Variants in TRIM71 observed in about 807,000 individuals in gnomAD.
TRIM71 encodes E3 ubiquitin-protein ligase TRIM71.
A neutral mutation model predicts 61.2 loss-of-function variants in TRIM71; 9 were observed. The observed-to-expected ratio is 0.15, with a 90% CI of 0.09 to 0.26. The LOEUF (loss-of-function observed/expected upper bound fraction) is 0.26, where lower values mean the gene tolerates loss of function less well. TRIM71 is among the 10% of genes least tolerant of loss of function. TRIM71 has a pLI of 1.00. For missense variants in TRIM71, 998 were observed against 1,238.7 expected (o/e 0.81, Z 2.92); for synonymous variants, 645 against 553.2 (o/e 1.17, Z -2.33).
At chr3:32,839,562 G>C (rs928070142) in intron 1 of TRIM71, among the ~76,000 whole-genome samples, 1 of 149,658 alleles carries the variant, frequency 6.7e-6, no homozygotes, top group Non-Finnish European at 1.5e-5. Flanking sequence ...CGTCTGACCC[G>C]TCAAGCCCCA....
At chr3:32,872,082 G>C (rs967108736) in intron 1 of TRIM71, among the ~76,000 whole-genome samples, 1 of 152,180 alleles carries the variant, frequency 6.6e-6, no homozygotes, top group African/African-American at 2.4e-5. Context: ...GGGAGGCAGA[G>C]CTTGCAGTGA....
At chr3:32,856,162 T>C (rs1297745283) in intron 1 of TRIM71, among the ~76,000 whole-genome samples, 1 of 152,058 alleles carries the variant, frequency 6.6e-6, no homozygotes, top group Non-Finnish European at 1.5e-5. Flanking sequence ...GGACTACAGG[T>C]GCCCGCCACC....
intron 1 of TRIM71, among the ~76,000 whole-genome samples, chr3:32,854,112 C>G (rs1292642004): frequency 6.6e-6 from 1 of 152,132 alleles, no homozygotes; most frequent in East Asian, 1.9e-4. Flanking sequence ...CCTGAGCCTC[C>G]CAAGTATCTG....
intron 1 of TRIM71, among the ~76,000 whole-genome samples, chr3:32,869,225 G>A (rs1422796594): frequency 6.6e-6 from 1 of 152,186 alleles, no homozygotes; most frequent in Non-Finnish European, 1.5e-5. Context: ...CCTCTTGGGT[G>A]GGTGGAGATC....
Position 32,893,878 on chromosome 3 carries a change from C to T in TRIM71, c.*2067C>T, listed in dbSNP as rs1019726911. 2 of 152,042 alleles carry T rather than the reference C, an allele frequency of 1.3e-5. No homozygotes were observed. The highest frequency in any genetic ancestry group is 4.8e-5 in the African/African-American group (2 of 41,416). 9.4% of individuals were successfully genotyped at this position (152,042 alleles called of 1,614,324 possible). On this transcript the variant is annotated 3_prime_UTR_variant, in exon 4 of 4. Transcript: ENST00000383763. ...GGGAAGGAAAAAAAAAACCTCATCT[C>T]ACAGAGGAGAACTGCATGCAATAAA...
rs1030179726 is a variant in TRIM71 at position 32,891,835 on chromosome 3, T to A, written c.*24T>A. ...AATTGCATTTCCTAGGTTTCTGTGT[T>A]TGGGGTGTGTGTGCGTGTCTCTCTC... On this transcript the variant is annotated 3_prime_UTR_variant, in exon 4 of 4. Transcript: ENST00000383763. This position sits in a 1 kb window ranked among gnomAD's most constrained non-coding sequence, Gnocchi z 8.2. 55 of 1,607,792 alleles carry A rather than the reference T, an allele frequency of 3.4e-5. No homozygotes were observed. The highest frequency in any genetic ancestry group is 4.2e-5 in the Non-Finnish European group (50 of 1,178,292).
Position 32,872,518 on chromosome 3 carries a change from T to A in TRIM71, c.853-1300T>A, listed in dbSNP as rs374201643. ...TGGAGCTCTCCGCCTAAGAAAACCT[T>A]CTGGGCCACTTCCAAGCCTTCTCCC... On this transcript the variant is annotated intron_variant, in intron 1 of 3. Coordinates refer to ENST00000383763, the MANE Select transcript of TRIM71 (RefSeq NM_001039111.3). Among the ~76,000 whole-genome samples, 6 of 152,280 alleles carry A rather than the reference T, an allele frequency of 3.9e-5. 1 individual carries two copies. In the South Asian group the frequency reaches 8.3e-4, roughly 21 times the overall value.
chr3:32,862,695 T>C (rs1696684546), intron 1 of TRIM71, among the ~76,000 whole-genome samples: 1 of 152,192 alleles, frequency 6.6e-6, no homozygotes, highest in African/African-American at 2.4e-5. Context: ...AATATATAAT[T>C]TACATGGGCA....
At chr3:32,831,608 G>A (rs1696272169) in intron 1 of TRIM71, among the ~76,000 whole-genome samples, 1 of 145,624 alleles carries the variant, frequency 6.9e-6, no homozygotes, top group Non-Finnish European at 1.5e-5. Context: ...GCGCGATCTC[G>A]GCTCTCTGCA....
intron 1 of TRIM71, among the ~76,000 whole-genome samples, chr3:32,849,638 G>A (rs1696516003): frequency 1.3e-5 from 2 of 152,208 alleles, no homozygotes. Context: ...GGATTTACAG[G>A]CGTGAGCCTG....
At chr3:32,839,275 G>A (rs1427345277) in intron 1 of TRIM71, among the ~76,000 whole-genome samples, 3 of 151,390 alleles carry the variant, frequency 2.0e-5, no homozygotes, top group Non-Finnish European at 4.4e-5. Context: ...TGGTCACCAA[G>A]GCTGGAGTGC....
At position 32,891,259 on chromosome 3, in the gene TRIM71, G is replaced by T; in HGVS notation, c.2055G>T (p.Gln685His). 6.2e-7 allele frequency: 1 copy of T among 1,613,706 alleles called. No homozygotes were observed. Among genetic ancestry groups the T allele is most frequent in the Non-Finnish European group, 8.5e-7 (1 of 1,179,742 alleles). ...TCCAGATCTTCACGTTCGAGGGCCA[G>T]TTCCTCCTCAAGTTTGGTGAGAAAG... ...HRIQIFTFEG[Q>H]FLLKFGEKGT... The change falls in exon 4 of 4, where the codon CAG (glutamine) becomes CAT (histidine). Residue 685 changes from glutamine to histidine, a missense_variant. This residue lies in a region of TRIM71 where 83 missense variants were observed against 202.7 expected (regional missense o/e 0.41). Transcript: ENST00000383763. The surrounding 1 kb of genome is among the most constrained non-coding windows in gnomAD (Gnocchi z 8.2).
chr3:32,856,925 G>C (rs765267956), intron 1 of TRIM71, among the ~76,000 whole-genome samples: 23 of 152,128 alleles, frequency 1.5e-4, no homozygotes, highest in Non-Finnish European at 3.1e-4. Context: ...ACCACCCCGA[G>C]AGGAAATGTA....
intron 1 of TRIM71, among the ~76,000 whole-genome samples, chr3:32,857,172 C>G (rs1422034520): frequency 6.6e-6 from 1 of 152,196 alleles, no homozygotes; most frequent in Non-Finnish European, 1.5e-5. Flanking sequence ...CCCCTGTTCC[C>G]TCTGTTTTAC....
At chr3:32,834,402 G>A (rs1019187658) in intron 1 of TRIM71, among the ~76,000 whole-genome samples, 4 of 151,908 alleles carry the variant, frequency 2.6e-5, no homozygotes, top group African/African-American at 9.7e-5. Flanking sequence ...AAAGTTATCT[G>A]TCTTATCTGC....
intron 1 of TRIM71, among the ~76,000 whole-genome samples, chr3:32,829,598 ATATT>A (rs1696244419): frequency 6.6e-6 from 1 of 151,156 alleles, no homozygotes; most frequent in Admixed American, 6.6e-5. Context: ...AGCAACTAGA[ATATT>A]TAGTAAGCAT....
At chr3:32,861,524 C>T (rs1020248104) in intron 1 of TRIM71, among the ~76,000 whole-genome samples, 10 of 151,816 alleles carry the variant, frequency 6.6e-5, no homozygotes, top group Admixed American at 2.0e-4. Flanking sequence ...CTCCGGAGTT[C>T]AAGACCAGCC....
At chr3:32,832,900 C>T (rs1696289432) in intron 1 of TRIM71, among the ~76,000 whole-genome samples, 1 of 151,916 alleles carries the variant, frequency 6.6e-6, no homozygotes, top group Non-Finnish European at 1.5e-5. Flanking sequence ...CTGGGCTGGG[C>T]GCGGTGGCTC....
chr3:32,849,868 A>G (rs547648949), intron 1 of TRIM71, among the ~76,000 whole-genome samples: 1 of 152,184 alleles, frequency 6.6e-6, no homozygotes, highest in Admixed American at 6.5e-5. Flanking sequence ...TTGCACACTA[A>G]TTGAGGGGTT....
Sources: gnomAD v4.1 joint callset for allele counts (sites outside exome capture counted in the v4.1 genomes callset) on GRCh38, gnomAD v4.1.1 for gene constraint, gnomAD v4.1.1 regional missense constraint, Gnocchi (gnomAD v3.1) non-coding constraint, MANE v1.5 for transcripts, NCBI Gene and HGNC (gene_info 2026-07-23, HGNC 2026-07-21) for gene names.